The following PDE8A variants were observed in gnomAD, a reference collection of about 807,000 sequenced individuals.
PDE8A encodes high affinity cAMP-specific and IBMX-insensitive 3',5'-cyclic phosphodiesterase 8A.
A neutral mutation model predicts 105.0 loss-of-function variants in PDE8A; 59 were observed. The observed-to-expected ratio is 0.56, with a 90% CI of 0.46 to 0.70. PDE8A has a LOEUF of 0.70. Among genes scored for constraint, PDE8A ranks in the 30% least tolerant of loss-of-function variants. The pLI is 0.00. For synonymous variants in PDE8A, 355 were observed against 371.9 expected (o/e 0.95, Z 0.52); for missense variants, 1,014 against 1,045.9 (o/e 0.97, Z 0.42).
chr15:85,074,189 C>A (rs2081350955), intron 3 of PDE8A, among the ~76,000 whole-genome samples: 1 of 152,192 alleles, frequency 6.6e-6, no homozygotes, highest in South Asian at 2.1e-4. Context: ...TAGATTCAGC[C>A]TTTCTCAACC....
chr15:84,992,205 G>A (rs1333743839), intron 1 of PDE8A, among the ~76,000 whole-genome samples: 1 of 152,120 alleles, frequency 6.6e-6, no homozygotes, highest in Non-Finnish European at 1.5e-5. Flanking sequence ...TCTCTGACCT[G>A]GAAGTGATGA....
Position 85,054,009 on chromosome 15 carries a change from C to T in PDE8A, c.187-10361C>T, listed in dbSNP as rs1027847189. 9.8e-4 allele frequency among the ~76,000 whole-genome samples: 91 copies of T among 93,156 alleles called. No homozygotes were observed. In the Middle Eastern group the frequency reaches 0.027, roughly 28 times the overall value. 61.1% of individuals were successfully genotyped at this position (93,156 alleles called of 152,430 possible). On this transcript the variant is annotated intron_variant, in intron 1 of 21. Transcript: ENST00000394553. ...TATGTCCCATCAATACCTAGTTTAT[C>T]GAGAGTTTTTAGCATGAAGGGCTGT...
intron 1 of PDE8A, among the ~76,000 whole-genome samples, chr15:85,021,831 C>G (rs2080431716): frequency 6.6e-6 from 1 of 152,164 alleles, no homozygotes; most frequent in Admixed American, 6.5e-5. Context: ...GTGATAGATT[C>G]AGGCTGTGCA....
At chr15:85,101,663 C>T (rs2081863700) in intron 11 of PDE8A, among the ~76,000 whole-genome samples, 1 of 151,878 alleles carries the variant, frequency 6.6e-6, no homozygotes, top group South Asian at 2.1e-4. Context: ...GAAGGAGACA[C>T]CAGAGAGAAG....
intron 3 of PDE8A, among the ~76,000 whole-genome samples, chr15:85,067,502 T>C (rs764853240): frequency 1.1e-4 from 17 of 152,226 alleles, no homozygotes; most frequent in Non-Finnish European, 1.5e-5. Flanking sequence ...GTAAGAATTA[T>C]AATTTTTCAG....
At chr15:85,073,364 C>G (rs1424871889) in intron 3 of PDE8A, among the ~76,000 whole-genome samples, 3 of 152,196 alleles carry the variant, frequency 2.0e-5, no homozygotes, top group African/African-American at 7.2e-5. Flanking sequence ...TTCATATGCA[C>G]CAGAAAAGGT....
intron 1 of PDE8A, among the ~76,000 whole-genome samples, chr15:85,001,972 C>A (rs1040039855): frequency 1.3e-5 from 2 of 152,048 alleles, no homozygotes; most frequent in African/African-American, 2.4e-5. Flanking sequence ...TTTCAAAATT[C>A]TACCTTTTTT....
At chr15:85,096,874 G>A (rs984693763) in intron 8 of PDE8A, among the ~76,000 whole-genome samples, 6 of 152,176 alleles carry the variant, frequency 3.9e-5, no homozygotes, top group Non-Finnish European at 8.8e-5. Context: ...TTCTATCGGA[G>A]TATTCTGGTT....
intron 8 of PDE8A, among the ~76,000 whole-genome samples, chr15:85,096,135 A>C (rs1458874462): frequency 6.6e-6 from 1 of 151,368 alleles, no homozygotes; most frequent in East Asian, 2.0e-4. Context: ...TCAGCCTCCC[A>C]AAGTGCTGGG....
rs145100413 is a variant in PDE8A at position 84,994,129 on chromosome 15, C to T, written c.186+11781C>T. Among the ~76,000 whole-genome samples the T allele has an allele frequency of 6.0e-3, 906 of 152,230 alleles. 9 individuals carry two copies. The highest frequency in any genetic ancestry group is 5.6e-3 in the Non-Finnish European group (382 of 68,018). On this transcript the variant is annotated intron_variant, in intron 1 of 21. Coordinates refer to ENST00000394553, the MANE Select transcript of PDE8A (RefSeq NM_002605.3). ...TTTTTTAGCTCAATATTTTAAGTCA[C>T]GAATTCATTCCTCAAGGTCTACTCA... is the stretch of plus-strand genomic sequence containing the variant.
intron 20 of PDE8A, among the ~76,000 whole-genome samples, chr15:85,129,702 T>C (rs969544567): frequency 5.9e-5 from 9 of 152,200 alleles, no homozygotes; most frequent in African/African-American, 2.2e-4. Context: ...TATACCTCTG[T>C]TCTTTATTAT....
intron 1 of PDE8A, among the ~76,000 whole-genome samples, chr15:85,005,580 G>A (rs746348303): frequency 3.3e-5 from 5 of 152,088 alleles, no homozygotes; most frequent in Non-Finnish European, 5.9e-5. Context: ...ATTTAGTAAG[G>A]CAATTAGAAA....
intron 1 of PDE8A, among the ~76,000 whole-genome samples, chr15:84,989,464 G>A (rs1217030251): frequency 1.3e-5 from 2 of 152,204 alleles, no homozygotes; most frequent in Admixed American, 1.3e-4. Flanking sequence ...AAGCGCTGGT[G>A]GCACATCAGC....
intron 17 of PDE8A, 126 bp from the exon 18 acceptor site, chr15:85,120,670 TA>T (rs2141621194): frequency 1.5e-6 from 1 of 646,892 alleles, no homozygotes; most frequent in Admixed American, 2.6e-5. Flanking sequence ...TTTGCTCACG[TA>T]GTATGCTTTT....
At chr15:85,076,466 T>C (rs1347736563) in intron 4 of PDE8A, among the ~76,000 whole-genome samples, 1 of 151,932 alleles carries the variant, frequency 6.6e-6, no homozygotes, top group Non-Finnish European at 1.5e-5. Context: ...AAATTTTATA[T>C]ATTAAAAAGA....
chr15:85,089,498 T>G, intron 7 of PDE8A, 82 bp downstream of exon 7: 24 of 373,910 alleles, frequency 6.4e-5, no homozygotes, highest in South Asian at 1.2e-4. Flanking sequence ...TCCAATATGA[T>G]TTTTTTTTTT....
At chr15:85,067,587 G>A (rs1032892563) in intron 3 of PDE8A, among the ~76,000 whole-genome samples, 6 of 152,088 alleles carry the variant, frequency 3.9e-5, no homozygotes, top group African/African-American at 1.4e-4. Context: ...TATTATACTT[G>A]CACCTTGTCA....
intron 6 of PDE8A, among the ~76,000 whole-genome samples, chr15:85,084,182 G>C (rs1359583891): frequency 1.3e-5 from 2 of 151,962 alleles, no homozygotes; most frequent in Admixed American, 1.3e-4. Context: ...TATCATTTTA[G>C]GTTTCTTCCT....
In PDE8A at chr15:85,084,968, A is replaced by G. The variant is rs73452331; in HGVS notation, c.635+1324A>G. ...TCATCTCTACTGCTACTCTTAGTCT[A>G]GGTCCCTCTCTTTTTACCTGGATTA... On this transcript the variant is annotated intron_variant, in intron 6 of 21. Transcript: ENST00000394553. 7.6e-3 allele frequency among the ~76,000 whole-genome samples: 1,162 copies of G among 152,268 alleles called. 20 individuals carry two copies. The highest frequency in any genetic ancestry group is 0.026 in the African/African-American group (1,090 of 41,536).
Sources: allele counts gnomAD v4.1 joint callset (sites outside exome capture counted in the v4.1 genomes callset), GRCh38; gene constraint gnomAD v4.1.1; transcripts MANE v1.5; gene names NCBI Gene and HGNC (gene_info 2026-07-23, HGNC 2026-07-21).